Variants in PHKB observed in about 807,000 individuals in gnomAD.
The protein encoded by PHKB is phosphorylase kinase regulatory subunit beta, also known as phosphorylase b kinase regulatory subunit beta.
Under a neutral mutation model 152.1 loss-of-function variants are expected in PHKB, and 122 were observed. The ratio of observed to expected loss-of-function variants is 0.80; its 90% CI spans 0.69 to 0.93. The LOEUF (loss-of-function observed/expected upper bound fraction) is 0.93, where lower values mean the gene tolerates loss of function less well. PHKB is among the 40% of genes least tolerant of loss of function. The pLI, the probability that PHKB is intolerant of heterozygous loss-of-function variation, is 0.00. For missense variants in PHKB, 1,304 were observed against 1,328.4 expected, an observed-to-expected ratio of 0.98 and a Z score of 0.29; for synonymous variants, 436 against 464.9, an observed-to-expected ratio of 0.94 and a Z score of 0.80.
intron 13 of PHKB, among the ~76,000 whole-genome samples, chr16:47,606,656 G>T (rs1318544262): frequency 2.0e-5 from 3 of 152,152 alleles, no homozygotes; most frequent in Admixed American, 6.5e-5. Flanking sequence ...GTAAATTTGT[G>T]TAGATAACTG....
intron 7 of PHKB, among the ~76,000 whole-genome samples, chr16:47,556,052 T>A (rs572494338): frequency 4.6e-5 from 7 of 152,330 alleles, no homozygotes; most frequent in African/African-American, 1.4e-4. Context: ...GAATGGGAGT[T>A]CACTCATGAT....
intron 4 of PHKB, among the ~76,000 whole-genome samples, chr16:47,507,580 ACTC>A (rs1970442088): frequency 6.6e-6 from 1 of 150,668 alleles, no homozygotes; most frequent in Admixed American, 6.6e-5. Flanking sequence ...CTGGTCTCAA[ACTC>A]CTGGGCTCAA....
Position 47,593,190 on chromosome 16 carries a change from GGAGA to G in PHKB, c.1069-298_1069-295del, listed in dbSNP as rs376684514. Among the ~76,000 whole-genome samples, 179 of 140,412 alleles carry G rather than the reference GGAGA, an allele frequency of 1.3e-3. 3 individuals are homozygous for G. Among genetic ancestry groups the G allele is most frequent in the African/African-American group, 2.6e-3 (99 of 38,002 alleles). The allele number at this position is 140,412 out of a possible 152,430, so 92.1% of individuals were successfully genotyped here. On this transcript the variant is annotated intron_variant, in intron 10 of 30. Coordinates refer to ENST00000323584, the MANE Select transcript of PHKB (RefSeq NM_000293.3). ...GAGAGGGAGAGAGAGAGAGAGGGAG[GGAGA>G]GAGAGAGAGAGGGAGAAAGAAAGAA... is the stretch of plus-strand genomic sequence containing the variant.
chr16:47,630,182 AG>A (rs768369049), intron 14 of PHKB, among the ~76,000 whole-genome samples: 1 of 152,190 alleles, frequency 6.6e-6, no homozygotes, highest in African/African-American at 2.4e-5. Context: ...ATAAAAAAAA[AG>A]AACTAAAGAA....
chr16:47,561,001 A>T (rs1971467117), intron 7 of PHKB, among the ~76,000 whole-genome samples: 2 of 152,352 alleles, frequency 1.3e-5, no homozygotes, highest in Admixed American at 1.3e-4. Flanking sequence ...GTTCAACTAA[A>T]AACAAGTGAT....
At chr16:47,464,089 T>C in intron 1 of PHKB, 2 of 879,814 alleles carry the variant, frequency 2.3e-6, no homozygotes, top group Non-Finnish European at 3.9e-6. Context: ...ATGTCTTTAT[T>C]TCTTCTTTGG....
intron 7 of PHKB, among the ~76,000 whole-genome samples, chr16:47,548,963 A>C (rs1971223471): frequency 6.6e-6 from 1 of 152,214 alleles, no homozygotes; most frequent in Non-Finnish European, 1.5e-5. Flanking sequence ...AATAAAAAAT[A>C]TTTAAATTAA....
intron 16 of PHKB, 107 bp from the exon 17 acceptor site, chr16:47,648,426 A>G (rs958567821): frequency 2.4e-6 from 2 of 841,274 alleles, no homozygotes; most frequent in Admixed American, 1.7e-5. Context: ...AGGGTTCCCT[A>G]GCTTCTTTCT....
In PHKB at chr16:47,587,735, C is replaced by G; in HGVS notation, c.842C>G (p.Ser281Trp). The G allele has an allele frequency of 1.9e-6, 3 of 1,612,724 alleles. No individual in the cohort carries two copies. Among genetic ancestry groups the G allele is most frequent in the Non-Finnish European group, 1.7e-6 (2 of 1,178,908 alleles). Reference protein sequence around the residue: ...AHNRNRQTLCSLLPRESRSHN... With the variant: ...AHNRNRQTLCWLLPRESRSHN... ...AATCGCAACAGGCAAACTTTGTGCTCGCTGTTACCCAGAGAATCAAGATCA... is the reference window on the plus strand; with the variant it reads ...AATCGCAACAGGCAAACTTTGTGCTGGCTGTTACCCAGAGAATCAAGATCA... The change falls in exon 9 of 31, where the codon TCG (serine) becomes TGG (tryptophan). Residue 281 changes from serine (S) to tryptophan (W), a missense_variant. By Grantham distance (177) the Ser-to-Trp change is radical. Coordinates refer to ENST00000323584, the MANE Select transcript of PHKB (RefSeq NM_000293.3).
At chr16:47,543,055 G>A (rs1428071277) in intron 6 of PHKB, among the ~76,000 whole-genome samples, 1 of 152,158 alleles carries the variant, frequency 6.6e-6, no homozygotes, top group East Asian at 1.9e-4. Flanking sequence ...GGAGTGGTGA[G>A]AGAGGGCATC....
intron 6 of PHKB, among the ~76,000 whole-genome samples, chr16:47,518,628 T>C (rs1442260703): frequency 2.0e-5 from 3 of 152,204 alleles, no homozygotes; most frequent in Non-Finnish European, 2.9e-5. Context: ...TCCTAGTGTC[T>C]GTAATAGTCT....
At chr16:47,679,566 CTGTT>C (rs1323104397) in intron 26 of PHKB, among the ~76,000 whole-genome samples, 8 of 152,158 alleles carry the variant, frequency 5.3e-5, no homozygotes, top group East Asian at 1.9e-4. Flanking sequence ...ATTTGGCTCT[CTGTT>C]TGTCTGTTAT....
Position 47,516,573 on chromosome 16 carries a change from A to G in PHKB, c.594+972A>G, listed in dbSNP as rs527952428. Among the ~76,000 whole-genome samples the G allele has an allele frequency of 3.3e-5, 5 of 152,266 alleles. No individual in the cohort carries two copies. In the East Asian group the frequency reaches 9.7e-4, roughly 29 times the overall value. On this transcript the variant is annotated intron_variant, in intron 6 of 30. Coordinates refer to ENST00000323584, the MANE Select transcript of PHKB (RefSeq NM_000293.3). ...AGATGTACTATATATGTTTGTTACT[A>G]TTCCTCTCCTGTGATCCATGCAAGG...
chr16:47,556,568 C>G (rs985603125), intron 7 of PHKB, among the ~76,000 whole-genome samples: 2 of 152,106 alleles, frequency 1.3e-5, no homozygotes, highest in East Asian at 1.9e-4. Flanking sequence ...TGCTGGATTA[C>G]ATTTATTGAT....
intron 28 of PHKB, among the ~76,000 whole-genome samples, chr16:47,694,302 G>A (rs185201037): frequency 7.2e-5 from 11 of 152,242 alleles, no homozygotes; most frequent in African/African-American, 2.4e-4. Flanking sequence ...TAGCCTTTTG[G>A]AAATAGAGTA....
intron 20 of PHKB, among the ~76,000 whole-genome samples, chr16:47,658,481 A>G (rs1214985916): frequency 6.6e-6 from 1 of 152,032 alleles, no homozygotes; most frequent in Non-Finnish European, 1.5e-5. Context: ...ATATATTATA[A>G]TAATTATTGT....
chr16:47,553,932 C>T (rs756110471), intron 7 of PHKB, among the ~76,000 whole-genome samples: 3 of 152,124 alleles, frequency 2.0e-5, no homozygotes, highest in African/African-American at 4.8e-5. Context: ...GAGGGGCACC[C>T]GCCAGATGCC....
chr16:47,623,600 T>C (rs1274710939), intron 14 of PHKB, among the ~76,000 whole-genome samples: 2 of 150,406 alleles, frequency 1.3e-5, no homozygotes, highest in Non-Finnish European at 3.0e-5. Flanking sequence ...GTCTTGCTCT[T>C]GTTGCCCAGG....
At chr16:47,474,189 G>T (rs904473253) in intron 1 of PHKB, among the ~76,000 whole-genome samples, 1 of 149,554 alleles carries the variant, frequency 6.7e-6, no homozygotes, top group Non-Finnish European at 1.5e-5. Flanking sequence ...TTTTTCATTT[G>T]TCATATAAAA....
Sources: gnomAD v4.1 joint callset for allele counts (sites outside exome capture counted in the v4.1 genomes callset) on GRCh38, gnomAD v4.1.1 for gene constraint, MANE v1.5 for transcripts, NCBI Gene and HGNC (gene_info 2026-07-23, HGNC 2026-07-21) for gene names.